Variants in XRCC5 observed in about 807,000 individuals in gnomAD.
The protein encoded by XRCC5 is DNA repair protein Ku80.
Under a neutral mutation model 95.7 loss-of-function variants are expected in XRCC5, and 12 were observed. The observed-to-expected ratio is 0.13, with a 90% CI of 0.08 to 0.20. XRCC5 has a LOEUF of 0.20. XRCC5 is among the 10% of genes least tolerant of loss of function. XRCC5 has a pLI of 1.00. For missense variants in XRCC5, 595 were observed against 873.9 expected (o/e 0.68, Z 4.02); for synonymous variants, 281 against 290.3 (o/e 0.97, Z 0.33).
At chr2:216,191,567 C>T (rs951016089) in intron 17 of XRCC5, among the ~76,000 whole-genome samples, 6 of 151,988 alleles carry the variant, frequency 3.9e-5, no homozygotes, top group South Asian at 4.1e-4. Flanking sequence ...CATGCCACCA[C>T]GCCCAGCTAA....
chr2:216,176,482 T>G (rs1200979455), intron 16 of XRCC5, among the ~76,000 whole-genome samples: 1 of 152,252 alleles, frequency 6.6e-6, no homozygotes, highest in Non-Finnish European at 1.5e-5. Context: ...TTTAGTAATA[T>G]GTCTTTATAA....
chr2:216,170,409 A>G (rs905721959), intron 16 of XRCC5, among the ~76,000 whole-genome samples: 22 of 152,146 alleles, frequency 1.4e-4, no homozygotes, highest in African/African-American at 4.1e-4. Context: ...CTTTCTCAGC[A>G]TCATAACTAG....
chr2:216,137,947 A>G lies in XRCC5; in HGVS notation c.1252-142A>G. 4.6e-6 allele frequency: 3 copies of G among 645,170 alleles called. No homozygotes were observed. In the South Asian group the frequency reaches 6.0e-5, roughly 13 times the overall value. The allele number at this position is 645,170 out of a possible 1,614,324, so 40.0% of individuals were successfully genotyped here. A position where few individuals can be genotyped will look rare whatever the true frequency, so the allele number is the denominator to read the frequency against. On this transcript the variant is annotated intron_variant, in intron 11 of 20. Coordinates refer to ENST00000392132, the MANE Select transcript of XRCC5 (RefSeq NM_021141.4). The stretch of plus-strand genomic sequence containing the variant: ...AACAGCCAGTAGCAGAAGTCAAAAC[A>G]CTTCACTTTTCATATGCCAGAGTTG...
intron 13 of XRCC5, among the ~76,000 whole-genome samples, 153 bp downstream of exon 13, chr2:216,141,472 A>G (rs183569000): frequency 1.7e-4 from 26 of 151,534 alleles, no homozygotes; most frequent in African/African-American, 6.1e-4. Context: ...TTCCTCTCCT[A>G]CTTCAGAAGG....
chr2:216,126,046 C>T lies in XRCC5; in HGVS notation c.798+15C>T. The stretch of plus-strand genomic sequence containing the variant: ...CCTATAAATCGGTAAGTGGCAGGTA[C>T]ACATTTTTAACAGAAATGTTACCAG... On this transcript the variant is annotated intron_variant, in intron 7 of 20. Coordinates refer to ENST00000392132, the MANE Select transcript of XRCC5 (RefSeq NM_021141.4). 3.1e-6 allele frequency: 5 copies of T among 1,591,922 alleles called. No homozygotes were observed. The highest frequency in any genetic ancestry group is 4.3e-6 in the Non-Finnish European group (5 of 1,160,734).
chr2:216,197,371 G>C (rs1040913418), intron 19 of XRCC5, among the ~76,000 whole-genome samples: 3 of 151,418 alleles, frequency 2.0e-5, no homozygotes, highest in African/African-American at 7.3e-5. Context: ...CTTGAACCCG[G>C]GAGGCAGAGG....
At chr2:216,122,000 C>A in intron 5 of XRCC5, 62 bp from the exon 6 acceptor site, 1 of 1,404,108 alleles carries the variant, frequency 7.1e-7, no homozygotes, top group Non-Finnish European at 9.5e-7. Context: ...CTCATTTTCT[C>A]ATAGCTGATG....
chr2:216,188,467 T>C (rs913745936), intron 16 of XRCC5, among the ~76,000 whole-genome samples: 1 of 152,252 alleles, frequency 6.6e-6, no homozygotes, highest in Non-Finnish European at 1.5e-5. Context: ...AAGTATATAC[T>C]ATCAAACAAA....
At chr2:216,159,749 T>G (rs1021777788) in intron 14 of XRCC5, among the ~76,000 whole-genome samples, 2 of 152,182 alleles carry the variant, frequency 1.3e-5, no homozygotes, top group African/African-American at 4.8e-5. Flanking sequence ...AAATTTCCAT[T>G]ATCTGTGCTT....
At chr2:216,154,643 CAT>C (rs1356580969) in intron 14 of XRCC5, among the ~76,000 whole-genome samples, 1 of 152,338 alleles carries the variant, frequency 6.6e-6, no homozygotes, top group South Asian at 2.1e-4. Flanking sequence ...GATTCTTAAT[CAT>C]GTGTGAAAGA....
chr2:216,200,056 T>C (rs552719467), intron 19 of XRCC5, among the ~76,000 whole-genome samples: 1 of 152,182 alleles, frequency 6.6e-6, no homozygotes, highest in African/African-American at 2.4e-5. Context: ...AACACCCCTG[T>C]CTAGAGAGGT....
intron 19 of XRCC5, among the ~76,000 whole-genome samples, chr2:216,195,345 T>TTTTTCTTTTTTC: frequency 8.0e-6 from 1 of 125,262 alleles, no homozygotes; most frequent in Admixed American, 9.2e-5. Flanking sequence ...GTTTTTCTTT[T>TTTTTCTTTTTTC]TTTTCTTTTC....
intron 6 of XRCC5, among the ~76,000 whole-genome samples, chr2:216,125,398 T>C (rs1696885542): frequency 6.6e-6 from 1 of 152,070 alleles, no homozygotes; most frequent in Non-Finnish European, 1.5e-5. Context: ...GGTTTCTCCA[T>C]GTTGGTCAGG....
intron 6 of XRCC5, among the ~76,000 whole-genome samples, chr2:216,124,503 TTC>T (rs1337544441): frequency 4.6e-5 from 7 of 152,208 alleles, no homozygotes; most frequent in Non-Finnish European, 8.8e-5. Flanking sequence ...GAGGTTTATA[TTC>T]TGTTTGACTA....
intron 16 of XRCC5, among the ~76,000 whole-genome samples, chr2:216,164,903 G>A (rs540089053): frequency 1.3e-5 from 2 of 152,296 alleles, no homozygotes; most frequent in African/African-American, 2.4e-5. Flanking sequence ...AAAAGACCAG[G>A]AGAGAGTCAG....
At chr2:216,112,864 T>C (rs1696613673) in intron 1 of XRCC5, 152 bp from the exon 2 acceptor site, 1 of 572,204 alleles carries the variant, frequency 1.7e-6, no homozygotes, top group Non-Finnish European at 3.1e-6. Context: ...AAAATTTATA[T>C]GTCTTACACA....
At chr2:216,126,937 A>G (rs1184692825) in intron 7 of XRCC5, among the ~76,000 whole-genome samples, 1 of 151,906 alleles carries the variant, frequency 6.6e-6, no homozygotes, top group Admixed American at 6.6e-5. Flanking sequence ...AAACTATGAT[A>G]AAATGTATAG....
intron 16 of XRCC5, among the ~76,000 whole-genome samples, chr2:216,178,325 C>T (rs1689316581): frequency 6.6e-6 from 1 of 152,222 alleles, no homozygotes; most frequent in Non-Finnish European, 1.5e-5. Flanking sequence ...AAAAAGTGGA[C>T]ATCTCCTTCT....
At chr2:216,173,664 G>A (rs1008333178) in intron 16 of XRCC5, among the ~76,000 whole-genome samples, 1 of 152,174 alleles carries the variant, frequency 6.6e-6, no homozygotes, top group Non-Finnish European at 1.5e-5. Context: ...CCATTCTAAC[G>A]GTGTTGAGAG....
Sources: gnomAD v4.1 joint callset for allele counts (sites outside exome capture counted in the v4.1 genomes callset) on GRCh38, gnomAD v4.1.1 for gene constraint, MANE v1.5 for transcripts, NCBI Gene and HGNC (gene_info 2026-07-23, HGNC 2026-07-21) for gene names.